The following HCN1 variants were observed in gnomAD, a reference collection of about 807,000 sequenced individuals.
The protein encoded by HCN1 is hyperpolarization activated cyclic nucleotide gated potassium channel 1, also known as potassium/sodium hyperpolarization-activated cyclic nucleotide-gated channel 1.
HCN1 carries 13 observed loss-of-function variants against 78.9 expected under a neutral mutation model. The observed-to-expected ratio is 0.16, with a 90% confidence interval of 0.11 to 0.26. The LOEUF (loss-of-function observed/expected upper bound fraction) is 0.26, where lower values mean the gene tolerates loss of function less well. Ranked by LOEUF, HCN1 falls within the 10% of genes least tolerant of loss-of-function variation. The pLI, the probability that HCN1 is intolerant of heterozygous loss-of-function variation, is 1.00. For synonymous variants in HCN1, 552 were observed against 455.5 expected (o/e 1.21, Z -2.70); for missense variants, 810 against 1,154.3 (o/e 0.70, Z 4.32).
chr5:45,436,243 G>C (rs1244312238), intron 3 of HCN1, among the ~76,000 whole-genome samples: 1 of 152,106 alleles, frequency 6.6e-6, no homozygotes, highest in Non-Finnish European at 1.5e-5. Context: ...AGAGTTTTAG[G>C]GTTTGTCCAA....
chr5:45,566,586 T>C (rs1048480519), intron 2 of HCN1, among the ~76,000 whole-genome samples: 10 of 151,634 alleles, frequency 6.6e-5, no homozygotes, highest in Admixed American at 6.6e-5. Context: ...CACAAAGCAA[T>C]GATCACAAAT....
intron 4 of HCN1, among the ~76,000 whole-genome samples, chr5:45,372,432 T>C (rs1747419547): frequency 8.2e-6 from 1 of 122,534 alleles, no homozygotes; most frequent in African/African-American, 3.1e-5. Context: ...TAAAATAATA[T>C]ATACTTATAT....
intron 3 of HCN1, among the ~76,000 whole-genome samples, chr5:45,435,663 A>C (rs7712907): frequency 1.3e-5 from 2 of 152,168 alleles, no homozygotes; most frequent in African/African-American, 4.8e-5. Context: ...GTGTGGGTTT[A>C]ATATCAATAA....
chr5:45,599,823 C>T (rs1427883153), intron 2 of HCN1, among the ~76,000 whole-genome samples: 1 of 151,426 alleles, frequency 6.6e-6, no homozygotes, highest in African/African-American at 2.4e-5. Context: ...GTAGCATTTT[C>T]TGTTTTTTTT....
rs148682984 is a variant in HCN1 at position 45,447,389 on chromosome 5, T to C, written c.1011+14457A>G. Among the ~76,000 whole-genome samples, 491 of 152,260 alleles carry C rather than the reference T, an allele frequency of 3.2e-3. 1 individual carries two copies. Among genetic ancestry groups the C allele is most frequent in the Non-Finnish European group, 3.8e-3 (258 of 68,004 alleles). ...TCTTGAGTAGCTGAGACTACAGGCATGTGCCACCACATTCTCTAGCTATTC... is the reference window on the plus strand; with the variant it reads ...TCTTGAGTAGCTGAGACTACAGGCACGTGCCACCACATTCTCTAGCTATTC... On this transcript the variant is annotated intron_variant, in intron 3 of 7. Coordinates refer to ENST00000303230, the MANE Select transcript of HCN1 (RefSeq NM_021072.4).
At position 45,582,960 on chromosome 5, in the gene HCN1, A is replaced by G. The variant is rs191114031; in HGVS notation, c.849+62225T>C. Reference sequence around the variant, plus strand: ...AGGATTTTGGCTTCGATGTTCATCAAGGATATTGGTCTAAAATTCTCTTTT... The same window carrying G: ...AGGATTTTGGCTTCGATGTTCATCAGGGATATTGGTCTAAAATTCTCTTTT... On this transcript the variant is annotated intron_variant, in intron 2 of 7. Coordinates refer to ENST00000303230, the MANE Select transcript of HCN1 (RefSeq NM_021072.4). Among the ~76,000 whole-genome samples the G allele has an allele frequency of 1.1e-4, 16 of 146,286 alleles. No homozygotes were observed. In the East Asian group the frequency reaches 3.3e-3, roughly 30 times the overall value.
intron 5 of HCN1, among the ~76,000 whole-genome samples, chr5:45,348,461 A>G (rs1405688738): frequency 6.6e-6 from 1 of 152,158 alleles, no homozygotes; most frequent in African/African-American, 2.4e-5. Context: ...GCATCAACTA[A>G]CAAGCAAAAT....
At chr5:45,318,947 C>T (rs79203689) in intron 5 of HCN1, among the ~76,000 whole-genome samples, 5,718 of 152,026 alleles carry the variant, frequency 0.038, 182 homozygotes, top group Non-Finnish European at 0.051. Context: ...AGGTTGCATA[C>T]TGTGTAGTCT....
At chr5:45,484,649 T>A (rs1374368805) in intron 2 of HCN1, among the ~76,000 whole-genome samples, 1 of 152,110 alleles carries the variant, frequency 6.6e-6, no homozygotes, top group Admixed American at 6.6e-5. Context: ...TGAGAATAAG[T>A]AAGTTTATTC....
chr5:45,498,292 T>G (rs1236525131), intron 2 of HCN1, among the ~76,000 whole-genome samples: 1 of 152,188 alleles, frequency 6.6e-6, no homozygotes, highest in East Asian at 1.9e-4. Flanking sequence ...TTTCTTTTTA[T>G]TCTTTTTTCT....
At chr5:45,350,033 C>T (rs146879773) in intron 5 of HCN1, among the ~76,000 whole-genome samples, 3,551 of 152,202 alleles carry the variant, frequency 0.023, 155 homozygotes, top group African/African-American at 0.082. Context: ...GTGAGGACAG[C>T]ATCATCCTGA....
intron 5 of HCN1, among the ~76,000 whole-genome samples, chr5:45,352,074 C>T (rs1272126676): frequency 1.3e-5 from 2 of 152,142 alleles, no homozygotes; most frequent in South Asian, 2.1e-4. Context: ...GACAGATGCA[C>T]ACGTATGTTT....
At position 45,581,621 on chromosome 5, in the gene HCN1, C is replaced by A. The variant is rs559300817; in HGVS notation, c.849+63564G>T. On this transcript the variant is annotated intron_variant, in intron 2 of 7. Coordinates refer to ENST00000303230, the MANE Select transcript of HCN1 (RefSeq NM_021072.4). ...ATGCCTATGTCCTGAATGGTATTGCCTAGGTTTTCTTCTAGGGTTTTTATG... is the reference window on the plus strand; with the variant it reads ...ATGCCTATGTCCTGAATGGTATTGCATAGGTTTTCTTCTAGGGTTTTTATG... 2.4e-3 allele frequency among the ~76,000 whole-genome samples: 358 copies of A among 152,200 alleles called. 1 individual carries two copies. The highest frequency in any genetic ancestry group is 3.8e-3 in the Non-Finnish European group (257 of 68,012).
chr5:45,631,998 G>A (rs1421856393), intron 2 of HCN1, among the ~76,000 whole-genome samples: 4 of 152,112 alleles, frequency 2.6e-5, no homozygotes, highest in African/African-American at 9.7e-5. Flanking sequence ...AGTTGAGTAA[G>A]ATACTTTGCC....
intron 3 of HCN1, among the ~76,000 whole-genome samples, chr5:45,433,532 G>A (rs554600147): frequency 6.6e-6 from 1 of 150,920 alleles, no homozygotes; most frequent in African/African-American, 2.4e-5. Flanking sequence ...TATCCAACTT[G>A]GCACTCTGTG....
intron 2 of HCN1, among the ~76,000 whole-genome samples, chr5:45,524,302 C>A (rs1261896406): frequency 6.6e-6 from 1 of 152,060 alleles, no homozygotes; most frequent in Admixed American, 6.6e-5. Context: ...CGTGATGCCT[C>A]CCGCTTTGTT....
chr5:45,580,738 G>T (rs899751964), intron 2 of HCN1, among the ~76,000 whole-genome samples: 6 of 151,846 alleles, frequency 4.0e-5, no homozygotes, highest in Non-Finnish European at 5.9e-5. Context: ...TCTTCCTGTG[G>T]CCATGTGTTC....
intron 1 of HCN1, among the ~76,000 whole-genome samples, chr5:45,672,287 T>G (rs910761489): frequency 9.9e-5 from 15 of 151,630 alleles, no homozygotes; most frequent in African/African-American, 3.6e-4. Context: ...TACTAGAAAT[T>G]ATATTATTCT....
chr5:45,332,927 T>C (rs1005352296), intron 5 of HCN1, among the ~76,000 whole-genome samples: 2 of 151,792 alleles, frequency 1.3e-5, no homozygotes, highest in African/African-American at 2.4e-5. Context: ...TTTTGGCTGT[T>C]GTGAACAGTG....
Sources: allele counts gnomAD v4.1 joint callset (sites outside exome capture counted in the v4.1 genomes callset), GRCh38; gene constraint gnomAD v4.1.1; transcripts MANE v1.5; gene names NCBI Gene and HGNC (gene_info 2026-07-23, HGNC 2026-07-21).